PAFAH1B1: variants seen among roughly 807,000 people sequenced by gnomAD.
PAFAH1B1 encodes the protein platelet-activating factor acetylhydrolase IB subunit beta.
Under a neutral mutation model 57.5 loss-of-function variants are expected in PAFAH1B1, and 2 were observed. The ratio of observed to expected loss-of-function variants is 0.03; its 90% confidence interval spans 0.01 to 0.11. The LOEUF (loss-of-function observed/expected upper bound fraction) is 0.11. Ranked by LOEUF, PAFAH1B1 falls within the 10% of genes least tolerant of loss-of-function variation. PAFAH1B1 has a pLI of 1.00. For missense variants in PAFAH1B1, 257 were observed against 512.0 expected, an observed-to-expected ratio of 0.50 and a Z score of 4.81; for synonymous variants, 152 against 169.6, an observed-to-expected ratio of 0.90 and a Z score of 0.81.
chr17:2,596,350 C>T (rs1484618417), intron 1 of PAFAH1B1, among the ~76,000 whole-genome samples: 1 of 152,102 alleles, frequency 6.6e-6, no homozygotes, highest in Non-Finnish European at 1.5e-5. Context: ...AATTGTTTTA[C>T]TTAAAACAGT....
At chr17:2,601,938 A>G (rs536150221) in intron 1 of PAFAH1B1, among the ~76,000 whole-genome samples, 1 of 152,358 alleles carries the variant, frequency 6.6e-6, no homozygotes, top group Admixed American at 6.5e-5. Context: ...ATGAGCTAAG[A>G]TTTGTCAAAG....
chr17:2,597,914 G>A (rs1334806064), intron 1 of PAFAH1B1, among the ~76,000 whole-genome samples: 1 of 151,906 alleles, frequency 6.6e-6, no homozygotes, highest in African/African-American at 2.4e-5. Flanking sequence ...TCATCTTTGT[G>A]AATAAGTCAT....
At position 2,683,794 on chromosome 17, in the gene PAFAH1B1, C is replaced by G. The variant is rs1269839889; in HGVS notation, c.*1992C>G. ...TTTCTACAAAAACTATGGAAAATAT[C>G]TTTGTTCTTGTTTGCTGCTATTTTC... On this transcript the variant is annotated 3_prime_UTR_variant, in exon 11 of 11. Transcript: ENST00000397195. The G allele has an allele frequency of 6.6e-6, 1 of 152,574 alleles. No homozygotes were observed. Among genetic ancestry groups the G allele is most frequent in the African/African-American group, 2.4e-5 (1 of 41,434 alleles). The allele number at this position is 152,574 out of a possible 1,614,324, so 9.5% of individuals were successfully genotyped here.
Position 2,676,404 on chromosome 17 carries a change from C to CA in PAFAH1B1, c.901-94dup, listed in dbSNP as rs1201545635. 5 of 810,310 alleles carry CA rather than the reference C, an allele frequency of 6.2e-6. No homozygotes were observed. In the Admixed American group the frequency reaches 8.0e-5, roughly 13 times the overall value. The allele number at this position is 810,310 out of a possible 1,614,324, so 50.2% of individuals were successfully genotyped here. On this transcript the variant is annotated intron_variant, in intron 8 of 10. Coordinates refer to ENST00000397195, the MANE Select transcript of PAFAH1B1 (RefSeq NM_000430.4). ...AAACAAACAAAAAACCAAAATGCAA[C>CA]AAAAAAATTGGAAATATATATCATT...
intron 5 of PAFAH1B1, among the ~76,000 whole-genome samples, chr17:2,667,711 TAAATTGGGCTTTCCTTGATGTATTTA>T (rs1443433618): frequency 6.6e-6 from 1 of 151,992 alleles, no homozygotes; most frequent in Non-Finnish European, 1.5e-5. Flanking sequence ...AGGATTCATT[TAAATTGGGCTTTCCTTGATGTATTTA>T]AAATTGGCTT....
intron 1 of PAFAH1B1, among the ~76,000 whole-genome samples, chr17:2,602,199 T>G (rs917858076): frequency 4.0e-5 from 6 of 151,692 alleles, no homozygotes; most frequent in Non-Finnish European, 8.8e-5. Flanking sequence ...TTGGGCTAAA[T>G]AAGTGTTCTG....
intron 1 of PAFAH1B1, among the ~76,000 whole-genome samples, chr17:2,597,653 C>A (rs1196546405): frequency 6.6e-6 from 1 of 151,630 alleles, no homozygotes; most frequent in Admixed American, 6.6e-5. Flanking sequence ...TCGTGATCCG[C>A]CCGCCTCTGC....
intron 3 of PAFAH1B1, 131 bp downstream of exon 3, chr17:2,665,587 C>A: frequency 1.7e-6 from 1 of 594,962 alleles, no homozygotes; most frequent in Non-Finnish European, 3.0e-6. Flanking sequence ...TTGATTTTCA[C>A]TCCTTTTTTT....
At position 2,667,423 on chromosome 17, in the gene PAFAH1B1, C is replaced by T. The variant is rs555583862; in HGVS notation, c.399+225C>T. ...AAGAGGGACAGGAGGTACTCTGAAA[C>T]GTGTGATTTGGTTCTAAATCTTAAA... On this transcript the variant is annotated intron_variant, in intron 5 of 10. Coordinates refer to ENST00000397195, the MANE Select transcript of PAFAH1B1 (RefSeq NM_000430.4). 3.6e-5 allele frequency: 17 copies of T among 471,812 alleles called. No individual in the cohort carries two copies. The East Asian group carries it at 6.2e-4, about 17-fold the overall frequency. 29.2% of individuals were successfully genotyped at this position (471,812 alleles called of 1,614,324 possible).
At chr17:2,629,561 T>A (rs1567536147) in intron 1 of PAFAH1B1, among the ~76,000 whole-genome samples, 1 of 152,168 alleles carries the variant, frequency 6.6e-6, no homozygotes, top group African/African-American at 2.4e-5. Context: ...ATTCTGTGGT[T>A]ATTGGATGAG....
intron 1 of PAFAH1B1, among the ~76,000 whole-genome samples, chr17:2,597,966 G>A (rs982577224): frequency 6.6e-6 from 1 of 151,978 alleles, no homozygotes; most frequent in Non-Finnish European, 1.5e-5. Flanking sequence ...AAGATGTCTG[G>A]CCAGACATGG....
chr17:2,654,028 C>T (rs1031240696), intron 2 of PAFAH1B1, among the ~76,000 whole-genome samples: 1 of 151,820 alleles, frequency 6.6e-6, no homozygotes. Context: ...AGGATGGTCT[C>T]AATCTCCTGA....
At chr17:2,621,807 G>A (rs1181549838) in intron 1 of PAFAH1B1, among the ~76,000 whole-genome samples, 1 of 151,916 alleles carries the variant, frequency 6.6e-6, no homozygotes, top group Admixed American at 6.6e-5. Flanking sequence ...TTTTTTAGTA[G>A]AGATGGGGTG....
chr17:2,604,470 A>G (rs1297672833), intron 1 of PAFAH1B1, among the ~76,000 whole-genome samples: 1 of 152,176 alleles, frequency 6.6e-6, no homozygotes, highest in East Asian at 1.9e-4. Flanking sequence ...CATCAAATCT[A>G]CACACTAAAG....
rs886052706 is a variant in PAFAH1B1 at position 2,593,862 on chromosome 17, CCCCGGG to C, written c.-325_-320del. The C allele has an allele frequency of 7.2e-6, 2 of 278,976 alleles. No individual in the cohort carries two copies. The highest frequency in any genetic ancestry group is 4.6e-5 in the African/African-American group (2 of 43,070). 17.3% of individuals were successfully genotyped at this position (278,976 alleles called of 1,614,324 possible). On this transcript the variant is annotated 5_prime_UTR_variant, in exon 1 of 11. Transcript: ENST00000397195. The stretch of plus-strand genomic sequence containing the variant: ...CCGCCCGCTCCCCTCCCCTCCCCCT[CCCCGGG>C]CCCGGGCCCAGCGCGCCATCCTCCC...
At chr17:2,600,193 G>A (rs1221844298) in intron 1 of PAFAH1B1, among the ~76,000 whole-genome samples, 3 of 151,714 alleles carry the variant, frequency 2.0e-5, no homozygotes, top group African/African-American at 2.4e-5. Context: ...TGATCCACCC[G>A]AGTTGGCCTC....
intron 1 of PAFAH1B1, among the ~76,000 whole-genome samples, chr17:2,624,045 C>T (rs1324663972): frequency 1.3e-5 from 2 of 152,216 alleles, no homozygotes; most frequent in Non-Finnish European, 1.5e-5. Context: ...AATCATCTTT[C>T]TCAAGTTCAA....
In PAFAH1B1 at chr17:2,681,633, T is replaced by C. The variant is rs547182809; in HGVS notation, c.1160-96T>C. 4 of 940,608 alleles carry C rather than the reference T, an allele frequency of 4.3e-6. No individual in the cohort carries two copies. The East Asian group carries it at 7.8e-5, about 18-fold the overall frequency. 58.3% of individuals were successfully genotyped at this position (940,608 alleles called of 1,614,324 possible). ...CACACTACCATGCCCGGCTAATTTTTTTTTTAATTTTGTATTTTGTAGAGA... is the reference window on the plus strand; with the variant it reads ...CACACTACCATGCCCGGCTAATTTTCTTTTTAATTTTGTATTTTGTAGAGA... On this transcript the variant is annotated intron_variant, in intron 10 of 10. Coordinates refer to ENST00000397195, the MANE Select transcript of PAFAH1B1 (RefSeq NM_000430.4).
In PAFAH1B1 at chr17:2,658,658, C is replaced by T. The variant is rs182586154; in HGVS notation, c.33-6714C>T. The stretch of plus-strand genomic sequence containing the variant: ...GCTTGATGGGGAAGATAAAGGTCCA[C>T]TCACCCTGCATTGCCTGAATTACAT... On this transcript the variant is annotated intron_variant, in intron 2 of 10. Coordinates refer to ENST00000397195, the MANE Select transcript of PAFAH1B1 (RefSeq NM_000430.4). 5.2e-3 allele frequency among the ~76,000 whole-genome samples: 796 copies of T among 152,250 alleles called. 4 individuals are homozygous for T. The highest frequency in any genetic ancestry group is 0.018 in the African/African-American group (752 of 41,532).
Sources: gnomAD v4.1 joint callset for allele counts (sites outside exome capture counted in the v4.1 genomes callset) on GRCh38, gnomAD v4.1.1 for gene constraint, MANE v1.5 for transcripts, NCBI Gene and HGNC (gene_info 2026-07-23, HGNC 2026-07-21) for gene names.